Variants in PPP3CA observed in about 807,000 individuals in gnomAD.
The protein encoded by PPP3CA is CAM-PRP catalytic subunit.
A neutral mutation model predicts 66.5 loss-of-function variants in PPP3CA; 14 were observed. The ratio of observed to expected loss-of-function variants is 0.21; its 90% confidence interval spans 0.14 to 0.33. The LOEUF (loss-of-function observed/expected upper bound fraction) is 0.33, where lower values mean the gene tolerates loss of function less well. Among genes scored for constraint, PPP3CA ranks in the 10% least tolerant of loss-of-function variants. The pLI, the probability that PPP3CA is intolerant of heterozygous loss-of-function variation, is 1.00. For synonymous variants in PPP3CA, 232 were observed against 226.2 expected, an observed-to-expected ratio of 1.03 and a Z score of -0.23; for missense variants, 317 against 639.5, an observed-to-expected ratio of 0.50 and a Z score of 5.44.
chr4:101,313,302 G>A (rs941688097), intron 1 of PPP3CA, among the ~76,000 whole-genome samples: 4 of 152,044 alleles, frequency 2.6e-5, no homozygotes, highest in African/African-American at 4.8e-5. Context: ...GCTAGGATTA[G>A]AGGTGTGAGC....
intron 1 of PPP3CA, among the ~76,000 whole-genome samples, chr4:101,196,708 A>T (rs1414030507): frequency 2.0e-5 from 3 of 152,126 alleles, no homozygotes; most frequent in Non-Finnish European, 4.4e-5. Flanking sequence ...CACTGAAGGG[A>T]CCTCCTTAAA....
intron 2 of PPP3CA, among the ~76,000 whole-genome samples, chr4:101,185,361 T>C (rs1724378735): frequency 6.6e-6 from 1 of 152,150 alleles, no homozygotes; most frequent in Non-Finnish European, 1.5e-5. Context: ...TATCTGAATT[T>C]CATTGAGGGG....
At chr4:101,211,469 T>C (rs1725296730) in intron 1 of PPP3CA, among the ~76,000 whole-genome samples, 1 of 152,224 alleles carries the variant, frequency 6.6e-6, no homozygotes, top group African/African-American at 2.4e-5. Flanking sequence ...CAAGCACAGT[T>C]TGCTCCTTGA....
intron 1 of PPP3CA, among the ~76,000 whole-genome samples, chr4:101,256,554 C>T (rs1726849104): frequency 6.6e-6 from 1 of 152,000 alleles, no homozygotes; most frequent in Admixed American, 6.6e-5. Context: ...ACTGTTAGTA[C>T]TCACTGATAC....
intron 2 of PPP3CA, among the ~76,000 whole-genome samples, chr4:101,157,989 A>C (rs1723380244): frequency 6.6e-6 from 1 of 152,134 alleles, no homozygotes; most frequent in Admixed American, 6.6e-5. Context: ...TAATGAAAAT[A>C]ATGATGTCAT....
At chr4:101,139,974 C>T (rs1722753169) in intron 2 of PPP3CA, among the ~76,000 whole-genome samples, 1 of 151,780 alleles carries the variant, frequency 6.6e-6, no homozygotes, top group Non-Finnish European at 1.5e-5. Context: ...AAGGCATTAC[C>T]ATACAATTTT....
At chr4:101,132,923 T>G (rs1482100043) in intron 2 of PPP3CA, among the ~76,000 whole-genome samples, 4 of 152,186 alleles carry the variant, frequency 2.6e-5, no homozygotes, top group Non-Finnish European at 5.9e-5. Flanking sequence ...GCTTCATCCC[T>G]GGGATGCAAG....
chr4:101,272,934 G>A (rs931732151), intron 1 of PPP3CA, among the ~76,000 whole-genome samples: 5 of 152,156 alleles, frequency 3.3e-5, no homozygotes, highest in Admixed American at 6.5e-5. Flanking sequence ...AGGTAAGAAC[G>A]AAAAGCTAAC....
chr4:101,114,250 T>C (rs1337376629), intron 2 of PPP3CA, among the ~76,000 whole-genome samples: 1 of 152,128 alleles, frequency 6.6e-6, no homozygotes, highest in African/African-American at 2.4e-5. Context: ...TATACTTATG[T>C]CAGAAATTTA....
intron 2 of PPP3CA, among the ~76,000 whole-genome samples, chr4:101,124,722 A>AG (rs1578471444): frequency 6.7e-5 from 5 of 74,316 alleles, no homozygotes; most frequent in East Asian, 3.4e-4. Context: ...AGAAAGAAAG[A>AG]AAGAGAAAGA....
intron 9 of PPP3CA, among the ~76,000 whole-genome samples, chr4:101,062,905 G>GT (rs1728532019): frequency 6.6e-6 from 1 of 151,848 alleles, no homozygotes; most frequent in Non-Finnish European, 1.5e-5. Context: ...GTACAAATGG[G>GT]TAAGGAAAAA....
intron 2 of PPP3CA, among the ~76,000 whole-genome samples, chr4:101,180,610 A>G (rs185531175): frequency 1.9e-3 from 283 of 152,272 alleles, no homozygotes; most frequent in Middle Eastern, 3.4e-3. Context: ...AATTAGCATT[A>G]TATCTTACTA....
intron 1 of PPP3CA, among the ~76,000 whole-genome samples, chr4:101,220,165 T>A (rs1725578344): frequency 6.6e-6 from 1 of 151,764 alleles, no homozygotes; most frequent in Non-Finnish European, 1.5e-5. Flanking sequence ...ATAAAGGAAA[T>A]CAGATTTAGT....
intron 6 of PPP3CA, among the ~76,000 whole-genome samples, chr4:101,085,251 G>C (rs986870184): frequency 1.3e-5 from 2 of 152,168 alleles, no homozygotes; most frequent in African/African-American, 4.8e-5. Flanking sequence ...CTGTATAGAA[G>C]TATACTGTCT....
intron 10 of PPP3CA, among the ~76,000 whole-genome samples, chr4:101,047,270 T>C (rs1727806489): frequency 6.6e-6 from 1 of 152,152 alleles, no homozygotes; most frequent in Admixed American, 6.6e-5. Context: ...CCATAAGCAA[T>C]GGATAATTGT....
intron 2 of PPP3CA, among the ~76,000 whole-genome samples, chr4:101,160,663 A>G (rs193018091): frequency 6.6e-6 from 1 of 152,058 alleles, no homozygotes; most frequent in East Asian, 1.9e-4. Flanking sequence ...ACACCCTTAC[A>G]CTACTCTAAA....
intron 1 of PPP3CA, among the ~76,000 whole-genome samples, chr4:101,221,369 T>C (rs1474994145): frequency 6.6e-6 from 1 of 151,598 alleles, no homozygotes; most frequent in Non-Finnish European, 1.5e-5. Context: ...TAAAATGATA[T>C]TTTACATCTA....
chr4:101,110,108 A>G (rs1260252921), intron 2 of PPP3CA, among the ~76,000 whole-genome samples: 1 of 152,088 alleles, frequency 6.6e-6, no homozygotes, highest in Non-Finnish European at 1.5e-5. Flanking sequence ...GTGTATGTGT[A>G]TATATATTGT....
intron 6 of PPP3CA, among the ~76,000 whole-genome samples, chr4:101,085,328 G>C (rs1490816533): frequency 3.3e-5 from 5 of 152,076 alleles, no homozygotes; most frequent in Middle Eastern, 3.2e-3. Flanking sequence ...AAACGACTTA[G>C]TTGCCCTTTC....
Sources: allele counts gnomAD v4.1 joint callset (sites outside exome capture counted in the v4.1 genomes callset), GRCh38; gene constraint gnomAD v4.1.1; transcripts MANE v1.5; gene names NCBI Gene and HGNC (gene_info 2026-07-23, HGNC 2026-07-21).